ZFAND1: variants seen among roughly 807,000 people sequenced by gnomAD.
ZFAND1 encodes AN1-type zinc finger protein 1.
ZFAND1 carries 40 observed loss-of-function variants against 38.5 expected under a neutral mutation model. The observed-to-expected ratio is 1.04, with a 90% CI of 0.81 to 1.35. The LOEUF is 1.35. Among genes scored for constraint, ZFAND1 ranks in the 40% most tolerant of loss-of-function variants. The pLI, the probability that ZFAND1 is intolerant of heterozygous loss-of-function variation, is 0.00. For missense variants in ZFAND1, 346 were observed against 316.3 expected (o/e 1.09, Z -0.71); for synonymous variants, 117 against 103.6 (o/e 1.13, Z -0.78).
At position 81,718,214 on chromosome 8, in the gene ZFAND1, T is replaced by G. The variant is rs776253381; in HGVS notation, c.66A>C (p.Pro22=). The change falls in exon 2 of 8, where the codon CCA becomes CCC. Residue 22 remains proline (P), a synonymous_variant. Coordinates refer to ENST00000220669, the MANE Select transcript of ZFAND1 (RefSeq NM_024699.3). The part of the protein sequence containing the change: ...VEHCRQRDFL[P]FVCDDCSGIF... ...TTCCTGAACAATCATCACACACAAA[T>G]GGAAGAAAATCTAAAATTGAGAGAA... The G allele has an allele frequency of 6.4e-7, 1 of 1,573,830 alleles. No homozygotes were observed. Among genetic ancestry groups the G allele is most frequent in the Non-Finnish European group, 8.6e-7 (1 of 1,159,774 alleles).
intron 6 of ZFAND1, among the ~76,000 whole-genome samples, chr8:81,709,572 A>G (rs570271688): frequency 2.6e-5 from 4 of 152,170 alleles, no homozygotes; most frequent in Non-Finnish European, 5.9e-5. Flanking sequence ...ACACACACAT[A>G]TAACAAATAC....
At chr8:81,719,355 A>ACACACACACACACACACACACACAC (rs1563611520) in intron 1 of ZFAND1, among the ~76,000 whole-genome samples, 1 of 150,002 alleles carries the variant, frequency 6.7e-6, no homozygotes, top group African/African-American at 2.5e-5. Context: ...ACACACACAC[A>ACACACACACACACACACACACACAC]AATTAGCTGG....
intron 1 of ZFAND1, 156 bp downstream of exon 1, chr8:81,721,071 G>C (rs2130448176): frequency 1.6e-6 from 1 of 612,832 alleles, no homozygotes; most frequent in African/African-American, 1.9e-5. Context: ...CGCACCAACC[G>C]ATCTCACTGC....
chr8:81,712,681 A>G (rs1808174300), intron 6 of ZFAND1, among the ~76,000 whole-genome samples: 1 of 152,202 alleles, frequency 6.6e-6, no homozygotes, highest in East Asian at 1.9e-4. Context: ...GGTAAGCATT[A>G]TAGAAGGTTA....
intron 1 of ZFAND1, among the ~76,000 whole-genome samples, chr8:81,719,310 AACACACAC>A (rs71268018): frequency 6.6e-4 from 82 of 124,934 alleles, no homozygotes; most frequent in East Asian, 3.6e-3. Flanking sequence ...CTCTACTGAA[AACACACAC>A]ACACACACAC....
chr8:81,705,359 C>A (rs1375291285), intron 6 of ZFAND1, among the ~76,000 whole-genome samples: 3 of 146,778 alleles, frequency 2.0e-5, no homozygotes, highest in Non-Finnish European at 4.5e-5. Flanking sequence ...GACAGCTGAA[C>A]TTTAAAAAGA....
chr8:81,712,738 A>T (rs1437667147), intron 6 of ZFAND1, among the ~76,000 whole-genome samples: 6 of 152,210 alleles, frequency 3.9e-5, no homozygotes, highest in African/African-American at 1.4e-4. Flanking sequence ...AGTTGGGAAG[A>T]TATACCACAG....
At chr8:81,719,404 G>A (rs1275187850) in intron 1 of ZFAND1, among the ~76,000 whole-genome samples, 1 of 150,766 alleles carries the variant, frequency 6.6e-6, no homozygotes. Flanking sequence ...CTACTCAAGA[G>A]GCTGAGGCAG....
chr8:81,720,464 A>C (rs1808439776), intron 1 of ZFAND1, among the ~76,000 whole-genome samples: 1 of 152,242 alleles, frequency 6.6e-6, no homozygotes, highest in South Asian at 2.1e-4. Context: ...TTGTTCAAAC[A>C]ATAATAATGA....
rs1294915128 is a variant in ZFAND1, at chr8:81,701,405, T to C, written c.*1290A>G. 1.3e-5 allele frequency: 2 copies of C among 152,184 alleles called. No individual in the cohort carries two copies. Among genetic ancestry groups the C allele is most frequent in the Non-Finnish European group, 2.9e-5 (2 of 68,030 alleles). The allele number at this position is 152,184 out of a possible 1,614,324, so 9.4% of individuals were successfully genotyped here. A position where few individuals can be genotyped will look rare whatever the true frequency, so the allele number is the denominator to read the frequency against. ...TTTTAGACATAATGCTATTGCACAT[T>C]AAATAGACTATAGTATAGTGTAAAC... is the stretch of plus-strand genomic sequence containing the variant. On this transcript the variant is annotated 3_prime_UTR_variant, in exon 8 of 8. Transcript: ENST00000220669.
At chr8:81,718,846 G>A (rs1808387685) in intron 1 of ZFAND1, among the ~76,000 whole-genome samples, 1 of 151,214 alleles carries the variant, frequency 6.6e-6, no homozygotes, top group Non-Finnish European at 1.5e-5. Flanking sequence ...TTAGTATAAA[G>A]TATATGTGTG....
At chr8:81,714,106 C>T (rs1183471944) in intron 5 of ZFAND1, 67 bp from the exon 6 acceptor site, 3 of 1,403,160 alleles carry the variant, frequency 2.1e-6, no homozygotes, top group Admixed American at 2.5e-5. Flanking sequence ...TTATAATACA[C>T]TTATTAATTA....
intron 6 of ZFAND1, among the ~76,000 whole-genome samples, chr8:81,704,085 CG>C (rs1374348296): frequency 7.2e-6 from 1 of 139,226 alleles, no homozygotes; most frequent in East Asian, 2.0e-4. Context: ...AAGGACTTTT[CG>C]GAACAAGGAA....
intron 6 of ZFAND1, among the ~76,000 whole-genome samples, chr8:81,706,826 C>G (rs1328524395): frequency 1.3e-5 from 2 of 151,878 alleles, no homozygotes; most frequent in Non-Finnish European, 2.9e-5. Context: ...TTTTTTTTCT[C>G]TTTATTAGAA....
At chr8:81,718,293 A>C in intron 1 of ZFAND1, 69 bp from the exon 2 acceptor site, 1 of 1,322,714 alleles carries the variant, frequency 7.6e-7, no homozygotes, top group Non-Finnish European at 1.0e-6. Flanking sequence ...AAGCAAGAAG[A>C]CAACCTCTAT....
intron 5 of ZFAND1, chr8:81,714,603 G>C (rs1246386950): frequency 1.9e-6 from 1 of 533,918 alleles, no homozygotes; most frequent in Non-Finnish European, 3.4e-6. Flanking sequence ...ACTTACAGTG[G>C]AGTACCTCCA....
At chr8:81,713,260 CTACA>C (rs1186345318) in intron 6 of ZFAND1, among the ~76,000 whole-genome samples, 11 of 29,334 alleles carry the variant, frequency 3.7e-4, no homozygotes, top group African/African-American at 5.8e-4. Flanking sequence ...GTAGCTGGGA[CTACA>C]GGCGCCCACC....
chr8:81,704,052 G>T (rs147620859), intron 6 of ZFAND1, among the ~76,000 whole-genome samples: 6 of 151,604 alleles, frequency 4.0e-5, no homozygotes, highest in Non-Finnish European at 8.8e-5. Context: ...TTATGTGAAA[G>T]ACCTCACTAT....
chr8:81,702,689 G>C lies in ZFAND1; in HGVS notation c.*6C>G. 1 of 1,478,858 alleles carries C rather than the reference G, an allele frequency of 6.8e-7. No homozygotes were observed. The highest frequency in any genetic ancestry group is 9.0e-7 in the Non-Finnish European group (1 of 1,112,300). 91.6% of individuals were successfully genotyped at this position (1,478,858 alleles called of 1,614,324 possible). A position where few individuals can be genotyped will look rare whatever the true frequency, so the allele number is the denominator to read the frequency against. On this transcript the variant is annotated 3_prime_UTR_variant, in exon 8 of 8. Coordinates refer to ENST00000220669, the MANE Select transcript of ZFAND1 (RefSeq NM_024699.3). Reference sequence around the variant, plus strand: ...CCTGTGATTTCTGACTTGAATCTTTGAATGACTATTCCAAGTAAGATTCAA... The same window carrying C: ...CCTGTGATTTCTGACTTGAATCTTTCAATGACTATTCCAAGTAAGATTCAA...
Sources: allele counts gnomAD v4.1 joint callset (sites outside exome capture counted in the v4.1 genomes callset), GRCh38; gene constraint gnomAD v4.1.1; transcripts MANE v1.5; gene names NCBI Gene and HGNC (gene_info 2026-07-23, HGNC 2026-07-21).